DPP10: variants seen among roughly 807,000 people sequenced by gnomAD.
DPP10 encodes the protein dipeptidyl peptidase like 10.
In DPP10, 33 loss-of-function variants were observed where a neutral mutation model predicts 120.9. That is an observed-to-expected ratio of 0.27 (90% CI 0.21 to 0.37). The LOEUF (loss-of-function observed/expected upper bound fraction) is 0.37. Ranked by LOEUF, DPP10 falls within the 10% of genes least tolerant of loss-of-function variation. The probability of loss-of-function intolerance (pLI) is 1.00; values close to 1 mark genes in which losing one functional copy is unlikely to be tolerated. For synonymous variants in DPP10, 337 were observed against 326.1 expected (o/e 1.03, Z -0.36); for missense variants, 816 against 942.8 (o/e 0.87, Z 1.76).
intron 19 of DPP10, among the ~76,000 whole-genome samples, chr2:115,792,171 TA>T (rs746623702): frequency 9.1e-4 from 138 of 152,242 alleles, no homozygotes; most frequent in Admixed American, 1.6e-3. Flanking sequence ...TGCTATTTAT[TA>T]GCTGTGTGTC....
chr2:115,191,840 TAAA>T (rs1220592612), intron 1 of DPP10, among the ~76,000 whole-genome samples: 2 of 152,198 alleles, frequency 1.3e-5, no homozygotes, highest in Non-Finnish European at 2.9e-5. Flanking sequence ...GCACCTGTGC[TAAA>T]AGACCTTTAG....
At chr2:114,522,459 T>C (rs1019806520) in intron 1 of DPP10, among the ~76,000 whole-genome samples, 1 of 152,136 alleles carries the variant, frequency 6.6e-6, no homozygotes, top group African/African-American at 2.4e-5. Flanking sequence ...AGAGAACTCA[T>C]TGAATTGGTA....
rs572667291 is a variant in DPP10 at position 114,920,237 on chromosome 2, T to C, written c.61-389002T>C. 1.1e-4 allele frequency among the ~76,000 whole-genome samples: 16 copies of C among 152,290 alleles called. No individual in the cohort carries two copies. In the South Asian group the frequency reaches 1.7e-3, roughly 16 times the overall value. ...AATGAAAAACAATAGTTTTTTCATATCTCAGCCTCCAGTCAGGGGTGCTGA... is the reference window on the plus strand; with the variant it reads ...AATGAAAAACAATAGTTTTTTCATACCTCAGCCTCCAGTCAGGGGTGCTGA... On this transcript the variant is annotated intron_variant, in intron 1 of 25. Coordinates refer to ENST00000410059, the MANE Select transcript of DPP10 (RefSeq NM_020868.6).
At chr2:115,090,789 G>A (rs1176462221) in intron 1 of DPP10, among the ~76,000 whole-genome samples, 2 of 151,970 alleles carry the variant, frequency 1.3e-5, no homozygotes, top group Non-Finnish European at 2.9e-5. Flanking sequence ...TGGTGGGGTT[G>A]GAATGTCTCT....
intron 1 of DPP10, among the ~76,000 whole-genome samples, chr2:115,058,588 CG>C (rs918731195): frequency 6.6e-6 from 1 of 152,014 alleles, no homozygotes; most frequent in Non-Finnish European, 1.5e-5. Context: ...TGAGTACAGA[CG>C]GGGTTTCGCC....
At chr2:114,676,019 C>G (rs755680618) in intron 1 of DPP10, among the ~76,000 whole-genome samples, 3 of 152,054 alleles carry the variant, frequency 2.0e-5, no homozygotes, top group African/African-American at 7.2e-5. Context: ...AGGCTGGTCT[C>G]AAACTCCTGA....
At chr2:114,699,637 A>T (rs755081644) in intron 1 of DPP10, among the ~76,000 whole-genome samples, 43 of 152,144 alleles carry the variant, frequency 2.8e-4, no homozygotes, top group Non-Finnish European at 5.0e-4. Flanking sequence ...AGAGGAAGTT[A>T]GAACACCAGT....
At chr2:115,232,511 AT>A (rs922428106) in intron 1 of DPP10, among the ~76,000 whole-genome samples, 8 of 152,090 alleles carry the variant, frequency 5.3e-5, no homozygotes, top group African/African-American at 1.9e-4. Flanking sequence ...TTCAGTTTTG[AT>A]TTCACTACTT....
At chr2:115,051,290 A>G (rs768811808) in intron 1 of DPP10, among the ~76,000 whole-genome samples, 1 of 152,154 alleles carries the variant, frequency 6.6e-6, no homozygotes, top group Non-Finnish European at 1.5e-5. Flanking sequence ...TGTATCACCA[A>G]ATAGAGAGTA....
At chr2:115,537,759 G>C (rs1053694439) in intron 5 of DPP10, among the ~76,000 whole-genome samples, 5 of 151,836 alleles carry the variant, frequency 3.3e-5, no homozygotes, top group African/African-American at 7.3e-5. Flanking sequence ...TGCAGATCAG[G>C]GTTTCTAGAA....
At chr2:115,449,310 T>C (rs2072905689) in intron 3 of DPP10, among the ~76,000 whole-genome samples, 1 of 152,008 alleles carries the variant, frequency 6.6e-6, no homozygotes, top group Non-Finnish European at 1.5e-5. Context: ...AATAAAACAG[T>C]AAGATTGCTG....
intron 1 of DPP10, among the ~76,000 whole-genome samples, chr2:115,139,420 A>C (rs1339527942): frequency 6.6e-6 from 1 of 151,918 alleles, no homozygotes; most frequent in African/African-American, 2.4e-5. Context: ...AATCCCTCCC[A>C]CCCCTACCAC....
intron 1 of DPP10, among the ~76,000 whole-genome samples, chr2:114,856,838 A>G (rs766074208): frequency 6.6e-6 from 1 of 152,202 alleles, no homozygotes; most frequent in Non-Finnish European, 1.5e-5. Flanking sequence ...TAATTTGTGC[A>G]CTATTCTATA....
At chr2:115,636,885 A>G (rs2086381403) in intron 5 of DPP10, among the ~76,000 whole-genome samples, 1 of 152,172 alleles carries the variant, frequency 6.6e-6, no homozygotes, top group Non-Finnish European at 1.5e-5. Flanking sequence ...GAGGAAGTGG[A>G]ATCTTAAGAG....
chr2:114,629,537 C>T (rs1694764454), intron 1 of DPP10, among the ~76,000 whole-genome samples: 2 of 152,042 alleles, frequency 1.3e-5, no homozygotes, highest in African/African-American at 4.8e-5. Context: ...AAGAAGTTTG[C>T]CTTTATTAAT....
intron 1 of DPP10, among the ~76,000 whole-genome samples, chr2:115,248,126 A>T (rs2058612915): frequency 6.6e-6 from 1 of 152,174 alleles, no homozygotes; most frequent in Non-Finnish European, 1.5e-5. Flanking sequence ...ATTTCTGTAT[A>T]ATCTCACTAA....
At chr2:115,349,264 G>A (rs1045477600) in intron 3 of DPP10, among the ~76,000 whole-genome samples, 6 of 152,118 alleles carry the variant, frequency 3.9e-5, no homozygotes, top group African/African-American at 1.4e-4. Flanking sequence ...TCTTTGTAAC[G>A]TGTGACAGTA....
chr2:115,114,346 G>A (rs999134338), intron 1 of DPP10, among the ~76,000 whole-genome samples: 2 of 152,136 alleles, frequency 1.3e-5, no homozygotes, highest in African/African-American at 2.4e-5. Flanking sequence ...CATAGAAAAA[G>A]AGAAAGTATA....
chr2:115,425,271 C>T (rs879871350), intron 3 of DPP10, among the ~76,000 whole-genome samples: 14 of 152,226 alleles, frequency 9.2e-5, no homozygotes, highest in Admixed American at 3.3e-4. Flanking sequence ...ATTCTAGAAA[C>T]GTATCTAGGC....
Sources: allele counts gnomAD v4.1 joint callset (sites outside exome capture counted in the v4.1 genomes callset), GRCh38; gene constraint gnomAD v4.1.1; transcripts MANE v1.5; gene names NCBI Gene and HGNC (gene_info 2026-07-23, HGNC 2026-07-21).